Variants in PPP1R13L observed in about 807,000 individuals in gnomAD.
PPP1R13L encodes the protein protein phosphatase 1 regulatory subunit 13 like, also known as relA-associated inhibitor.
PPP1R13L carries 50 observed loss-of-function variants against 80.9 expected under a neutral mutation model. That is an observed-to-expected ratio of 0.62 (90% confidence interval 0.49 to 0.78). PPP1R13L has a LOEUF of 0.78. PPP1R13L is among the 30% of genes least tolerant of loss of function. The probability of loss-of-function intolerance (pLI) is 0.00; values close to 1 mark genes in which losing one functional copy is unlikely to be tolerated. For missense variants in PPP1R13L, 1,200 were observed against 1,205.9 expected (o/e 1.00, Z 0.07); for synonymous variants, 602 against 534.3 (o/e 1.13, Z -1.75).
rs1222526841 is a variant in PPP1R13L at position 45,392,059 on chromosome 19, T to C, written c.1636A>G (p.Ile546Val). Residue 546 changes from isoleucine to valine, a missense_variant, in exon 8 of 13, where the codon ATC becomes GTC. This residue lies in a region of PPP1R13L where 53 missense variants were observed against 96.5 expected (regional missense o/e 0.55). Coordinates refer to ENST00000360957, the MANE Select transcript of PPP1R13L (RefSeq NM_006663.4). Reference sequence around the variant, plus strand: ...TGACGATGGAAGAGGCGGCTGATGATCTGCTGGTACTGTTTCTTGTGGGTA... The same window carrying C: ...TGACGATGGAAGAGGCGGCTGATGACCTGCTGGTACTGTTTCTTGTGGGTA... ...PPTHKKQYQQ[I>V]ISRLFHRHGG... is the part of the protein sequence containing the mutation. 1.3e-6 allele frequency: 2 copies of C among 1,541,872 alleles called. No homozygotes were observed. Among genetic ancestry groups the C allele is most frequent in the Non-Finnish European group, 1.7e-6 (2 of 1,146,872 alleles).
rs1431098288 is a variant in PPP1R13L at position 45,396,241 on chromosome 19, C to T, written c.830G>A (p.Arg277Lys). The change falls in exon 6 of 13, where the codon AGG becomes AAG. Residue 277 changes from arginine to lysine, a missense_variant. Coordinates refer to ENST00000360957, the MANE Select transcript of PPP1R13L (RefSeq NM_006663.4). This position sits in a 1 kb window ranked among gnomAD's most constrained non-coding sequence, Gnocchi z 5.3. Reference protein sequence around the residue: ...ASYERLDVFARPASPSLQLLP... With the variant: ...ASYERLDVFAKPASPSLQLLP... ...CAGCTGCAGGCTCGGCGAGGCAGGC[C>T]TTGCGAAGACGTCCAGGCCTGCGGG... The T allele has an allele frequency of 7.5e-6, 12 of 1,610,488 alleles. No homozygotes were observed. The South Asian group carries it at 8.8e-5, about 12-fold the overall frequency.
chr19:45,394,629 A>ATTTTTTTTTT (rs56394453), intron 7 of PPP1R13L: 1 of 124,672 alleles, frequency 8.0e-6, no homozygotes. Context: ...TGCCCAGCTA[A>ATTTTTTTTTT]TTTTTTTTTT....
chr19:45,399,407 GA>G (rs1455793635), intron 1 of PPP1R13L, among the ~76,000 whole-genome samples: 2 of 144,172 alleles, frequency 1.4e-5, no homozygotes, highest in Non-Finnish European at 3.0e-5. Flanking sequence ...GGCGGATCAC[GA>G]GGTCAGGAGA....
intron 8 of PPP1R13L, among the ~76,000 whole-genome samples, chr19:45,386,623 C>A (rs1599764869): frequency 7.1e-6 from 1 of 140,078 alleles, no homozygotes; most frequent in South Asian, 2.3e-4. Context: ...TTTTCCTTTT[C>A]TTTTTCTCTT....
chr19:45,380,770 G>A (rs1489375190), intron 12 of PPP1R13L, among the ~76,000 whole-genome samples: 2 of 151,430 alleles, frequency 1.3e-5, no homozygotes, highest in East Asian at 1.9e-4. Flanking sequence ...AGTGAGCCAA[G>A]ATCGCGCCAC....
chr19:45,385,749 T>C (rs1203229839), intron 10 of PPP1R13L, 21 bp from the exon 11 acceptor site: 4 of 1,606,750 alleles, frequency 2.5e-6, no homozygotes, highest in Non-Finnish European at 3.4e-6. Flanking sequence ...GGGTGGGGGG[T>C]TGCGGGGAAC....
chr19:45,398,255 C>T lies in PPP1R13L; in HGVS notation c.55+9G>A. 6.2e-7 allele frequency: 1 copy of T among 1,613,930 alleles called. No homozygotes were observed. The highest frequency in any genetic ancestry group is 8.5e-7 in the Non-Finnish European group (1 of 1,179,896). Reference sequence around the variant, plus strand: ...CGCCTCGCCAGCCCCGCCCCCTACTCCAGCTTACACTGGAAGTTCATGTCC... The same window carrying T: ...CGCCTCGCCAGCCCCGCCCCCTACTTCAGCTTACACTGGAAGTTCATGTCC... On this transcript the variant is annotated intron_variant, in intron 2 of 12. Coordinates refer to ENST00000360957, the MANE Select transcript of PPP1R13L (RefSeq NM_006663.4).
At chr19:45,402,350 T>C (rs553573104) in intron 1 of PPP1R13L, among the ~76,000 whole-genome samples, 4 of 152,214 alleles carry the variant, frequency 2.6e-5, no homozygotes, top group Non-Finnish European at 4.4e-5. Context: ...TCCCAAAGTA[T>C]TGGGATTACA....
chr19:45,403,501 C>T (rs1035377096), intron 1 of PPP1R13L, among the ~76,000 whole-genome samples: 1 of 152,104 alleles, frequency 6.6e-6, no homozygotes, highest in Non-Finnish European at 1.5e-5. Context: ...AGATTCCAGA[C>T]AGAAGCTGGC....
intron 8 of PPP1R13L, among the ~76,000 whole-genome samples, chr19:45,386,772 A>G (rs573887868): frequency 1.3e-3 from 200 of 151,474 alleles, no homozygotes; most frequent in Admixed American, 2.3e-3. Flanking sequence ...AGTAGCTAGG[A>G]TTACAGGCAT....
At chr19:45,392,727 C>T (rs1056535499) in intron 7 of PPP1R13L, 2 of 321,486 alleles carry the variant, frequency 6.2e-6, no homozygotes, top group South Asian at 2.7e-5. Flanking sequence ...TTCTACCAAC[C>T]GTGATAGATG....
At chr19:45,385,267 C>G (rs1972842333) in intron 11 of PPP1R13L, among the ~76,000 whole-genome samples, 1 of 152,218 alleles carries the variant, frequency 6.6e-6, no homozygotes, top group Admixed American at 6.5e-5. Context: ...AGGGTTGAAA[C>G]GTTCAGCTCC....
chr19:45,392,281 G>C lies in PPP1R13L; in HGVS notation c.1414C>G (p.Pro472Ala), dbSNP rs750506634. 1 of 1,613,582 alleles carries C rather than the reference G, an allele frequency of 6.2e-7. No individual in the cohort carries two copies. Among genetic ancestry groups the C allele is most frequent in the Non-Finnish European group, 8.5e-7 (1 of 1,180,022 alleles). ...PEPEIEGLLTPVLEAGDVDEG... is the reference protein window; with the variant it reads ...PEPEIEGLLTAVLEAGDVDEG... ...TCCACATCGCCAGCCTCCAGCACTG[G>C]TGTCAGCAGCCCCTCTATCTCCGGC... The change falls in exon 8 of 13, where the codon CCA (proline) becomes GCA (alanine). Residue 472 changes from proline to alanine, a missense_variant. Physicochemically the swap from Pro to Ala is conservative, Grantham distance 27. Transcript: ENST00000360957.
intron 7 of PPP1R13L, among the ~76,000 whole-genome samples, chr19:45,394,040 A>G (rs1243066663): frequency 1.3e-5 from 2 of 152,234 alleles, no homozygotes; most frequent in East Asian, 3.8e-4. Flanking sequence ...ATCTTCAGTC[A>G]CACAGCAAGT....
At chr19:45,397,165 G>GA in intron 3 of PPP1R13L, 107 bp from the exon 4 acceptor site, 1 of 918,360 alleles carries the variant, frequency 1.1e-6, no homozygotes, top group Non-Finnish European at 1.4e-6. Context: ...CAACCCAGAG[G>GA]AGGCTGACCG....
At chr19:45,384,996 C>T (rs1211604502) in intron 11 of PPP1R13L, among the ~76,000 whole-genome samples, 1 of 152,068 alleles carries the variant, frequency 6.6e-6, no homozygotes, top group Non-Finnish European at 1.5e-5. Context: ...CGTGAAGTTC[C>T]TTGCCCACAC....
chr19:45,386,448 A>G (rs1333976032), intron 8 of PPP1R13L, among the ~76,000 whole-genome samples: 1 of 152,086 alleles, frequency 6.6e-6, no homozygotes, highest in Non-Finnish European at 1.5e-5. Context: ...TGGCAAAGTA[A>G]TTCTATCAGT....
intron 1 of PPP1R13L, 67 bp from the exon 2 acceptor site, chr19:45,398,406 A>G: frequency 1.4e-6 from 2 of 1,479,288 alleles, no homozygotes; most frequent in African/African-American, 1.4e-5. Flanking sequence ...TCAGGGAGTC[A>G]GACGCCGTCA....
intron 8 of PPP1R13L, 148 bp from the exon 9 acceptor site, chr19:45,386,328 CT>C: frequency 2.1e-6 from 2 of 953,582 alleles, no homozygotes; most frequent in Non-Finnish European, 2.9e-6. Context: ...GAGGGGGTGC[CT>C]TCGATCTCCT....
Sources: allele counts gnomAD v4.1 joint callset (sites outside exome capture counted in the v4.1 genomes callset), GRCh38; gene constraint gnomAD v4.1.1; regional missense constraint gnomAD v4.1.1; non-coding constraint Gnocchi (gnomAD v3.1); transcripts MANE v1.5; gene names NCBI Gene and HGNC (gene_info 2026-07-23, HGNC 2026-07-21).